Variants in B3GALT1 observed in about 807,000 individuals in gnomAD.
The protein encoded by B3GALT1 is beta-1,3-galactosyltransferase 1.
B3GALT1 carries 10 observed loss-of-function variants against 23.2 expected under a neutral mutation model. That is an observed-to-expected ratio of 0.43 (90% CI 0.27 to 0.73). The LOEUF (loss-of-function observed/expected upper bound fraction) is 0.73. Among genes scored for constraint, B3GALT1 ranks in the 30% least tolerant of loss-of-function variants. The pLI, the probability that B3GALT1 is intolerant of heterozygous loss-of-function variation, is 0.21. For synonymous variants in B3GALT1, 156 were observed against 141.5 expected (o/e 1.10, Z -0.73); for missense variants, 299 against 405.4 (o/e 0.74, Z 2.25).
intron 1 of B3GALT1, among the ~76,000 whole-genome samples, chr2:167,405,707 GT>G (rs1465354288): frequency 6.6e-6 from 1 of 152,084 alleles, no homozygotes; most frequent in African/African-American, 2.4e-5. Flanking sequence ...CATGTGAAAT[GT>G]AAAATTTTAA....
At chr2:167,840,336 A>C (rs1689614063) in intron 4 of B3GALT1, among the ~76,000 whole-genome samples, 1 of 152,148 alleles carries the variant, frequency 6.6e-6, no homozygotes, top group East Asian at 1.9e-4. Context: ...TTTACAAGAA[A>C]AAAACAACCC....
intron 3 of B3GALT1, among the ~76,000 whole-genome samples, chr2:167,656,017 C>A (rs1232912207): frequency 6.6e-6 from 1 of 152,144 alleles, no homozygotes. Context: ...TGGAAGTCCT[C>A]GTCTCCTGAT....
chr2:167,415,403 C>G (rs926439918), intron 1 of B3GALT1, among the ~76,000 whole-genome samples: 2 of 152,282 alleles, frequency 1.3e-5, no homozygotes, highest in South Asian at 4.1e-4. Context: ...GCTTCTATAA[C>G]TGGGAGAAGT....
At chr2:167,668,674 C>A (rs572957487) in intron 3 of B3GALT1, among the ~76,000 whole-genome samples, 5 of 152,164 alleles carry the variant, frequency 3.3e-5, no homozygotes, top group Admixed American at 3.3e-4. Flanking sequence ...TTAAGCCCAT[C>A]GGAAAAGCAG....
chr2:167,593,026 A>G (rs1313523774), intron 2 of B3GALT1, among the ~76,000 whole-genome samples: 1 of 152,228 alleles, frequency 6.6e-6, no homozygotes, highest in Non-Finnish European at 1.5e-5. Context: ...ACTGTGAACA[A>G]GATACAGATA....
At chr2:167,458,933 C>T (rs1407809176) in intron 1 of B3GALT1, among the ~76,000 whole-genome samples, 1 of 152,084 alleles carries the variant, frequency 6.6e-6, no homozygotes. Context: ...TATAACCACC[C>T]CTGCTCTCTT....
chr2:167,360,291 C>T, intron 1 of B3GALT1, among the ~76,000 whole-genome samples: 1 of 152,158 alleles, frequency 6.6e-6, no homozygotes, highest in East Asian at 1.9e-4. Flanking sequence ...CAACTACATA[C>T]TTCTGCTATT....
chr2:167,781,995 G>A (rs989389323), intron 3 of B3GALT1, among the ~76,000 whole-genome samples: 24 of 152,160 alleles, frequency 1.6e-4, no homozygotes, highest in Admixed American at 1.2e-3. Context: ...TGCCCGCCTC[G>A]CCCTCCCAAA....
At chr2:167,462,358 C>T (rs1223920119) in intron 1 of B3GALT1, among the ~76,000 whole-genome samples, 1 of 152,094 alleles carries the variant, frequency 6.6e-6, no homozygotes, top group Non-Finnish European at 1.5e-5. Flanking sequence ...ATTTGAAAGT[C>T]CTTGATTTAG....
intron 2 of B3GALT1, among the ~76,000 whole-genome samples, chr2:167,599,718 T>A (rs1278056294): frequency 6.6e-6 from 1 of 152,212 alleles, no homozygotes; most frequent in Non-Finnish European, 1.5e-5. Context: ...AAACATAAAC[T>A]AAATTCAGAT....
intron 2 of B3GALT1, among the ~76,000 whole-genome samples, chr2:167,560,146 A>G (rs1428593569): frequency 3.3e-5 from 5 of 152,234 alleles, no homozygotes; most frequent in African/African-American, 4.8e-5. Flanking sequence ...GTGGGGGCCA[A>G]TATTCAACAT....
intron 2 of B3GALT1, among the ~76,000 whole-genome samples, chr2:167,587,452 A>G (rs1684602059): frequency 6.6e-6 from 1 of 152,202 alleles, no homozygotes. Flanking sequence ...TAAGTTAGGT[A>G]ATAAGGCACA....
rs151324808 is a variant in B3GALT1 at position 167,422,636 on chromosome 2, G to GAGAGTGGTT, written c.-510-67539_-510-67531dup. 4.7e-3 allele frequency among the ~76,000 whole-genome samples: 718 copies of GAGAGTGGTT among 152,272 alleles called. 5 individuals are homozygous for GAGAGTGGTT. The highest frequency in any genetic ancestry group is 0.018 in the East Asian group (91 of 5,172). ...CTTGAGTCTACTGGAGATTGGGAGG[G>GAGAGTGGTT]AGAGTGGTTATGGATACCTGATTCA... On this transcript the variant is annotated intron_variant, in intron 1 of 4. Coordinates refer to ENST00000392690, the MANE Select transcript of B3GALT1 (RefSeq NM_020981.4).
chr2:167,548,884 A>G (rs1044638883), intron 2 of B3GALT1, among the ~76,000 whole-genome samples: 2 of 152,186 alleles, frequency 1.3e-5, no homozygotes, highest in Non-Finnish European at 2.9e-5. Context: ...GTCTTTTTTA[A>G]CTAATATTTA....
chr2:167,837,123 G>A (rs1045844126), intron 4 of B3GALT1, among the ~76,000 whole-genome samples: 1 of 151,852 alleles, frequency 6.6e-6, no homozygotes, highest in East Asian at 1.9e-4. Flanking sequence ...CATCAACTAA[G>A]GAGCAAAATA....
intron 1 of B3GALT1, among the ~76,000 whole-genome samples, chr2:167,389,909 C>CAAAAAAAAAAAAAA (rs141871874): frequency 8.9e-6 from 1 of 112,596 alleles, no homozygotes; most frequent in South Asian, 2.9e-4. Context: ...ATACCCTGTC[C>CAAAAAAAAAAAAAA]AAAAAAAAAA....
chr2:167,712,389 G>A (rs1188826914), intron 3 of B3GALT1, among the ~76,000 whole-genome samples: 1 of 151,324 alleles, frequency 6.6e-6, no homozygotes, highest in Non-Finnish European at 1.5e-5. Flanking sequence ...TAAAAATAAT[G>A]TGGAATCCAG....
At chr2:167,701,618 A>C (rs926215201) in intron 3 of B3GALT1, among the ~76,000 whole-genome samples, 1 of 152,140 alleles carries the variant, frequency 6.6e-6, no homozygotes, top group African/African-American at 2.4e-5. Flanking sequence ...TTTAAGATCT[A>C]TGACTTCTTT....
chr2:167,310,311 G>A lies in B3GALT1; in HGVS notation c.-511+16977G>A, dbSNP rs527286487. Reference sequence around the variant, plus strand: ...TGTTTGTTTATTTACGTTTGAGAGAGAGGGAGAACATAAACAGTGTTACAT... The same window carrying A: ...TGTTTGTTTATTTACGTTTGAGAGAAAGGGAGAACATAAACAGTGTTACAT... On this transcript the variant is annotated intron_variant, in intron 1 of 4. Coordinates refer to ENST00000392690, the MANE Select transcript of B3GALT1 (RefSeq NM_020981.4). Among the ~76,000 whole-genome samples, 5 of 152,120 alleles carry A rather than the reference G, an allele frequency of 3.3e-5. No homozygotes were observed. The East Asian group carries it at 9.7e-4, about 29-fold the overall frequency.
Sources: allele counts gnomAD v4.1 joint callset (sites outside exome capture counted in the v4.1 genomes callset), GRCh38; gene constraint gnomAD v4.1.1; transcripts MANE v1.5; gene names NCBI Gene and HGNC (gene_info 2026-07-23, HGNC 2026-07-21).